The following ARID1B variants were observed in gnomAD, a reference collection of about 807,000 sequenced individuals.
ARID1B encodes AT-rich interactive domain-containing protein 1B.
ARID1B carries 30 observed loss-of-function variants against 212.3 expected under a neutral mutation model. The ratio of observed to expected loss-of-function variants is 0.14; its 90% CI spans 0.11 to 0.19. The LOEUF (loss-of-function observed/expected upper bound fraction) is 0.19. Ranked by LOEUF, ARID1B falls within the 10% of genes least tolerant of loss-of-function variation. The pLI is 1.00. For synonymous variants in ARID1B, 1,402 were observed against 1,301.7 expected (o/e 1.08, Z -1.66); for missense variants, 2,891 against 3,204.0 (o/e 0.90, Z 2.36).
At chr6:156,947,271 T>C (rs1031738958) in intron 4 of ARID1B, among the ~76,000 whole-genome samples, 6 of 152,250 alleles carry the variant, frequency 3.9e-5, no homozygotes, top group Non-Finnish European at 7.3e-5. Flanking sequence ...TTGTTTGATA[T>C]ATACTTTTGA....
At chr6:157,001,732 C>T (rs187297511) in intron 4 of ARID1B, among the ~76,000 whole-genome samples, 2 of 152,242 alleles carry the variant, frequency 1.3e-5, no homozygotes, top group East Asian at 3.9e-4. Flanking sequence ...ATTTAAGATG[C>T]AGTTGTCCCC....
rs2128393304 is a variant in ARID1B at position 157,206,588 on chromosome 6, T to G, written c.5816T>G (p.Leu1939Arg). The G allele has an allele frequency of 6.2e-7, 1 of 1,614,070 alleles. No individual in the cohort carries two copies. Among genetic ancestry groups the G allele is most frequent in the South Asian group, 1.1e-5 (1 of 91,066 alleles). The change falls in exon 20 of 20, where the codon CTT becomes CGT. Residue 1939 changes from leucine to arginine, a missense_variant. Physicochemically the swap from Leu to Arg is moderately radical, Grantham distance 102 (BLOSUM62 -2). Coordinates refer to ENST00000636930, the MANE Select transcript of ARID1B (RefSeq NM_001374828.1). The surrounding 1 kb of genome is among the most constrained non-coding windows in gnomAD (Gnocchi z 6.8). ...CGTGTGCAGGAGTTCAATAGTGGCCTTCTGCACTGGCAGCTCGGCGGGGGT... is the reference window on the plus strand; with the variant it reads ...CGTGTGCAGGAGTTCAATAGTGGCCGTCTGCACTGGCAGCTCGGCGGGGGT... ...LGRVQEFNSG[L>R]LHWQLGGGDT...
chr6:156,788,811 A>C (rs150050724), intron 1 of ARID1B, among the ~76,000 whole-genome samples: 1 of 152,306 alleles, frequency 6.6e-6, no homozygotes, highest in East Asian at 1.9e-4. Flanking sequence ...TTTTTTTTAA[A>C]TGCTGAGATT....
intron 4 of ARID1B, among the ~76,000 whole-genome samples, chr6:157,001,048 A>G (rs1778885594): frequency 6.6e-6 from 1 of 152,200 alleles, no homozygotes; most frequent in African/African-American, 2.4e-5. Flanking sequence ...TGTTGTGGCA[A>G]CATTTCATGG....
At chr6:157,191,115 T>G (rs1202926669) in intron 15 of ARID1B, among the ~76,000 whole-genome samples, 4 of 151,904 alleles carry the variant, frequency 2.6e-5, no homozygotes, top group Non-Finnish European at 5.9e-5. Flanking sequence ...TTTTTTGTGA[T>G]AAATAAATAA....
chr6:157,033,955 G>A (rs995472789), intron 4 of ARID1B, among the ~76,000 whole-genome samples: 9 of 152,218 alleles, frequency 5.9e-5, no homozygotes, highest in African/African-American at 2.2e-4. Context: ...TGAAACATGG[G>A]TCTCATCAGA....
At chr6:156,802,174 A>G (rs191555773) in intron 1 of ARID1B, among the ~76,000 whole-genome samples, 1 of 152,340 alleles carries the variant, frequency 6.6e-6, no homozygotes, top group East Asian at 1.9e-4. Flanking sequence ...GCCCTTCTGA[A>G]AGTGTTAGAT....
intron 4 of ARID1B, among the ~76,000 whole-genome samples, chr6:157,039,862 C>CTCTCTT (rs1218607818): frequency 6.4e-5 from 7 of 110,148 alleles, no homozygotes; most frequent in African/African-American, 2.4e-4. Flanking sequence ...CTCTCTTTCT[C>CTCTCTT]TCTCTTTCTC....
At chr6:157,126,507 T>C (rs1460755357) in intron 6 of ARID1B, among the ~76,000 whole-genome samples, 1 of 152,128 alleles carries the variant, frequency 6.6e-6, no homozygotes, top group African/African-American at 2.4e-5. Flanking sequence ...GCATTTGGAA[T>C]GTGGTAGTAC....
chr6:156,795,504 T>C (rs112647472), intron 1 of ARID1B, among the ~76,000 whole-genome samples: 1 of 152,164 alleles, frequency 6.6e-6, no homozygotes, highest in African/African-American at 2.4e-5. Flanking sequence ...TATCTAAAAA[T>C]CATCAAGACG....
chr6:157,060,488 A>C (rs1456467904), intron 4 of ARID1B, among the ~76,000 whole-genome samples: 2 of 152,170 alleles, frequency 1.3e-5, no homozygotes, highest in African/African-American at 4.8e-5. Context: ...TTCCAATATC[A>C]CTTGTTTCAC....
intron 8 of ARID1B, among the ~76,000 whole-genome samples, chr6:157,157,484 C>G (rs945584534): frequency 6.6e-6 from 1 of 152,106 alleles, no homozygotes; most frequent in Non-Finnish European, 1.5e-5. Context: ...AATTTTTCAC[C>G]GCCCTGAAAT....
In ARID1B at chr6:157,178,612, C is replaced by T. The variant is rs544174166; in HGVS notation, c.3505-2357C>T. Reference sequence around the variant, plus strand: ...CTACATTATGGTGCCATAAAAATGCCTCTTAGAAGATCTAAAAATTATGAA... The same window carrying T: ...CTACATTATGGTGCCATAAAAATGCTTCTTAGAAGATCTAAAAATTATGAA... On this transcript the variant is annotated intron_variant, in intron 11 of 19. Transcript: ENST00000636930. Among the ~76,000 whole-genome samples, 19 of 152,242 alleles carry T rather than the reference C, an allele frequency of 1.2e-4. No homozygotes were observed. The South Asian group carries it at 2.1e-3, about 17-fold the overall frequency.
At chr6:157,004,921 T>G (rs1212029307) in intron 4 of ARID1B, among the ~76,000 whole-genome samples, 51 of 130,606 alleles carry the variant, frequency 3.9e-4, no homozygotes, top group African/African-American at 1.3e-3. Context: ...TTTTTTTTTT[T>G]TTTTTTTTTT....
chr6:156,941,560 A>G (rs1487506483), intron 4 of ARID1B: 3 of 152,216 alleles, frequency 2.0e-5, no homozygotes, highest in Non-Finnish European at 2.9e-5. Context: ...ACTCTGACAG[A>G]TGTTTATTTT....
chr6:157,148,596 C>T lies in ARID1B; in HGVS notation c.2762-28C>T. 1.3e-6 allele frequency: 2 copies of T among 1,568,268 alleles called. No individual in the cohort carries two copies. Among genetic ancestry groups the T allele is most frequent in the East Asian group, 2.3e-5 (1 of 44,012 alleles). ...TGTTGTCACAAGTTTAAATAAAAGG[C>T]TTTACTTTGTGTTTGCTTTTTGTTT... On this transcript the variant is annotated intron_variant, in intron 7 of 19. Coordinates refer to ENST00000636930, the MANE Select transcript of ARID1B (RefSeq NM_001374828.1). This position sits in a 1 kb window ranked among gnomAD's most constrained non-coding sequence, Gnocchi z 5.6.
At chr6:156,922,755 G>T (rs372653683) in intron 3 of ARID1B, among the ~76,000 whole-genome samples, 1 of 152,180 alleles carries the variant, frequency 6.6e-6, no homozygotes, top group East Asian at 1.9e-4. Flanking sequence ...AAAAGCTACA[G>T]ATTCTCCTCC....
At chr6:157,169,081 C>A (rs1791533117) in intron 9 of ARID1B, 1 of 145,004 alleles carries the variant, frequency 6.9e-6, no homozygotes, top group Non-Finnish European at 1.5e-5. Flanking sequence ...TACAGCACAG[C>A]CCCTGTGAGC....
rs532857305 is a variant in ARID1B, at chr6:156,827,754, C to CTTT, written c.1792-1446_1792-1444dup. On this transcript the variant is annotated intron_variant, in intron 1 of 19. Coordinates refer to ENST00000636930, the MANE Select transcript of ARID1B (RefSeq NM_001374828.1). Reference sequence around the variant, plus strand: ...GTTATTCCCCTTTATCCTGGTAATTCTTTTTTTTTTTTTTTTTTTTTTTTT... The same window carrying CTTT: ...GTTATTCCCCTTTATCCTGGTAATTCTTTTTTTTTTTTTTTTTTTTTTTTTTTT... 4.5e-4 allele frequency among the ~76,000 whole-genome samples: 31 copies of CTTT among 68,456 alleles called. 1 individual carries two copies. Among genetic ancestry groups the CTTT allele is most frequent in the East Asian group, 1.2e-3 (2 of 1,712 alleles). The allele number at this position is 68,456 out of a possible 152,430, so 44.9% of individuals were successfully genotyped here.
Sources: gnomAD v4.1 joint callset for allele counts (sites outside exome capture counted in the v4.1 genomes callset) on GRCh38, gnomAD v4.1.1 for gene constraint, Gnocchi (gnomAD v3.1) non-coding constraint, MANE v1.5 for transcripts, NCBI Gene and HGNC (gene_info 2026-07-23, HGNC 2026-07-21) for gene names.